The following PHACTR1 variants were observed in gnomAD, a reference collection of about 807,000 sequenced individuals.
PHACTR1 encodes the protein RPEL repeat containing 1.
A neutral mutation model predicts 69.2 loss-of-function variants in PHACTR1; 16 were observed. That is an observed-to-expected ratio of 0.23 (90% CI 0.16 to 0.35). The LOEUF (loss-of-function observed/expected upper bound fraction) is 0.35, where lower values mean the gene tolerates loss of function less well. PHACTR1 is among the 10% of genes least tolerant of loss of function. The probability of loss-of-function intolerance (pLI) is 1.00; values close to 1 mark genes in which losing one functional copy is unlikely to be tolerated. For missense variants in PHACTR1, 510 were observed against 734.7 expected (o/e 0.69, Z 3.54); for synonymous variants, 312 against 284.5 (o/e 1.10, Z -0.97).
chr6:13,106,455 T>TG (rs902825115), intron 5 of PHACTR1, among the ~76,000 whole-genome samples: 1 of 152,268 alleles, frequency 6.6e-6, no homozygotes, highest in African/African-American at 2.4e-5. Context: ...ACAGGTTATT[T>TG]GCAGGTGCCC....
intron 8 of PHACTR1, among the ~76,000 whole-genome samples, chr6:13,218,568 C>T (rs1306477563): frequency 6.6e-6 from 1 of 152,076 alleles, no homozygotes; most frequent in Non-Finnish European, 1.5e-5. Context: ...AAAGGCCAGG[C>T]ACGGTGGCTC....
At chr6:13,280,726 G>A (rs445714) in intron 12 of PHACTR1, 259,727 of 326,468 alleles carry the variant, frequency 0.8, 104,500 homozygotes, top group Middle Eastern at 0.86. Context: ...TTTTAAAAAA[G>A]ACATGCCTGC....
intron 5 of PHACTR1, among the ~76,000 whole-genome samples, chr6:13,127,319 C>T (rs1819683965): frequency 6.6e-6 from 1 of 152,286 alleles, no homozygotes. Context: ...GTAATCCCAA[C>T]ACTTTGGGAG....
At chr6:13,269,087 T>C (rs1777234509) in intron 10 of PHACTR1, among the ~76,000 whole-genome samples, 1 of 152,170 alleles carries the variant, frequency 6.6e-6, no homozygotes, top group Non-Finnish European at 1.5e-5. Context: ...GGGAACAATG[T>C]AGTCTGCAGA....
intron 4 of PHACTR1, among the ~76,000 whole-genome samples, chr6:12,932,357 G>A (rs1788958446): frequency 6.6e-6 from 1 of 152,046 alleles, no homozygotes. Context: ...AAATATGTAA[G>A]CCCTCCAAGA....
At chr6:12,912,992 A>G (rs1041585550) in intron 4 of PHACTR1, among the ~76,000 whole-genome samples, 1 of 152,202 alleles carries the variant, frequency 6.6e-6, no homozygotes. Flanking sequence ...TAAAGCCATC[A>G]TAAATATATT....
chr6:12,722,322 C>T (rs1424562246), intron 3 of PHACTR1, among the ~76,000 whole-genome samples: 1 of 152,210 alleles, frequency 6.6e-6, no homozygotes, highest in African/African-American at 2.4e-5. Flanking sequence ...TCCCCTCTCT[C>T]ATTTCCCACA....
intron 5 of PHACTR1, among the ~76,000 whole-genome samples, chr6:13,080,006 T>C (rs770728886): frequency 6.6e-6 from 1 of 152,156 alleles, no homozygotes; most frequent in Non-Finnish European, 1.5e-5. Flanking sequence ...TCTCCCTTGA[T>C]GTCTGTTTCT....
chr6:13,051,012 G>T (rs752378076), intron 4 of PHACTR1, among the ~76,000 whole-genome samples: 16 of 151,966 alleles, frequency 1.1e-4, no homozygotes, highest in Non-Finnish European at 2.2e-4. Flanking sequence ...TCGCTGTCAA[G>T]GATTTCCCCA....
chr6:12,895,384 T>C (rs536480909), intron 4 of PHACTR1, among the ~76,000 whole-genome samples: 29 of 152,098 alleles, frequency 1.9e-4, no homozygotes, highest in Non-Finnish European at 3.8e-4. Flanking sequence ...GGTTTTGCCA[T>C]GTTGGCCAGG....
chr6:12,882,561 C>A (rs1234945866), intron 4 of PHACTR1, among the ~76,000 whole-genome samples: 3 of 151,732 alleles, frequency 2.0e-5, no homozygotes, highest in African/African-American at 7.3e-5. Flanking sequence ...AATTTAGGGG[C>A]AAAATAAGAG....
intron 4 of PHACTR1, among the ~76,000 whole-genome samples, chr6:12,820,213 G>T (rs138237373): frequency 6.6e-6 from 1 of 151,970 alleles, no homozygotes; most frequent in African/African-American, 2.4e-5. Flanking sequence ...ATAGAGTCTC[G>T]CTCTGTTGCC....
At chr6:12,854,475 C>A (rs768323119) in intron 4 of PHACTR1, among the ~76,000 whole-genome samples, 11 of 152,092 alleles carry the variant, frequency 7.2e-5, no homozygotes, top group Non-Finnish European at 1.6e-4. Flanking sequence ...TTGTTGTGTA[C>A]CTAAGGAAAT....
chr6:13,235,705 A>G (rs1004308048), intron 10 of PHACTR1, among the ~76,000 whole-genome samples: 1 of 152,202 alleles, frequency 6.6e-6, no homozygotes, highest in African/African-American at 2.4e-5. Flanking sequence ...GTAAGTTGAT[A>G]GGGCTACTCA....
At chr6:12,858,807 T>C (rs1324797847) in intron 4 of PHACTR1, among the ~76,000 whole-genome samples, 11 of 149,506 alleles carry the variant, frequency 7.4e-5, no homozygotes, top group Admixed American at 7.3e-4. Flanking sequence ...AACACATACA[T>C]ACACACACAC....
chr6:13,224,057 A>C (rs545723626), intron 8 of PHACTR1, among the ~76,000 whole-genome samples: 2 of 152,222 alleles, frequency 1.3e-5, no homozygotes, highest in Non-Finnish European at 2.9e-5. Context: ...TCTAAATGTC[A>C]GTCATTCCAG....
chr6:13,226,076 C>T (rs1029242234), intron 8 of PHACTR1, among the ~76,000 whole-genome samples: 11 of 152,210 alleles, frequency 7.2e-5, no homozygotes, highest in African/African-American at 2.7e-4. Context: ...ACGTAAACCA[C>T]TAATGTGATA....
intron 5 of PHACTR1, among the ~76,000 whole-genome samples, chr6:13,119,404 G>A (rs920030664): frequency 5.3e-5 from 8 of 152,178 alleles, no homozygotes; most frequent in Non-Finnish European, 8.8e-5. Flanking sequence ...GAAAGCTACC[G>A]TATAGTCCTA....
intron 4 of PHACTR1, among the ~76,000 whole-genome samples, chr6:12,897,813 C>T (rs942683340): frequency 7.2e-5 from 11 of 151,996 alleles, no homozygotes; most frequent in South Asian, 4.1e-4. Context: ...TTGCTGCACT[C>T]ATCAACCTAT....
Sources: gnomAD v4.1 joint callset for allele counts (sites outside exome capture counted in the v4.1 genomes callset) on GRCh38, gnomAD v4.1.1 for gene constraint, MANE v1.5 for transcripts, NCBI Gene and HGNC (gene_info 2026-07-23, HGNC 2026-07-21) for gene names.